TENT5D: variants seen among roughly 807,000 people sequenced by gnomAD.
TENT5D encodes terminal nucleotidyltransferase 5D.
For synonymous variants in TENT5D, 103 were observed against 100.6 expected, an observed-to-expected ratio of 1.02 and a Z score of -0.15; for missense variants, 191 against 287.0, an observed-to-expected ratio of 0.67 and a Z score of 2.42.
chrX:80,443,186 C>G (rs1932322688), exon 3 of TENT5D: 4 of 1,211,129 alleles, frequency 3.3e-6, no homozygotes, highest in Non-Finnish European at 4.5e-6. Context: ...GAAGCAATGA[C>G]ACATTTGCAA....
intron 3 of TENT5D, among the ~76,000 whole-genome samples, chrX:80,405,126 T>TA (rs1275868653): frequency 8.9e-6 from 1 of 112,046 alleles, no homozygotes; most frequent in Non-Finnish European, 1.9e-5. Flanking sequence ...TTTCACCCTT[T>TA]AAAAGGGGAG....
chrX:80,363,029 TA>T (rs1930441321), intron 3 of TENT5D, among the ~76,000 whole-genome samples: 1 of 112,121 alleles, frequency 8.9e-6, no homozygotes, highest in South Asian at 3.7e-4. Context: ...GTAAGATTTT[TA>T]TTTTTTCTAA....
At chrX:80,391,729 G>A (rs988331696) in intron 3 of TENT5D, among the ~76,000 whole-genome samples, 1 of 112,578 alleles carries the variant, frequency 8.9e-6, no homozygotes, top group Non-Finnish European at 1.9e-5. Flanking sequence ...CTTAAAAGTG[G>A]TGGTAAAAAG....
chrX:80,356,357 G>C (rs1048160352), intron 3 of TENT5D, among the ~76,000 whole-genome samples: 2 of 111,573 alleles, frequency 1.8e-5, no homozygotes, highest in African/African-American at 3.3e-5. Context: ...ATCAGTAACA[G>C]CATGAATCAG....
At chrX:80,435,799 T>G (rs1408685400) in intron 1 of TENT5D, among the ~76,000 whole-genome samples, 1 of 112,605 alleles carries the variant, frequency 8.9e-6, no homozygotes, top group Non-Finnish European at 1.9e-5. Context: ...ATTTAGTTCT[T>G]TCTTTTGTAA....
intron 3 of TENT5D, among the ~76,000 whole-genome samples, chrX:80,352,270 C>T (rs1248626086): frequency 1.8e-5 from 2 of 111,765 alleles, no homozygotes; most frequent in East Asian, 2.8e-4. Flanking sequence ...CCACAGCCCC[C>T]GCTTCCTCCA....
chrX:80,397,049 C>G (rs868672336), intron 3 of TENT5D, among the ~76,000 whole-genome samples: 43 of 96,160 alleles, frequency 4.5e-4, no homozygotes, highest in African/African-American at 1.6e-3. Context: ...ACCTCCCTCC[C>G]AGACGGGGTG....
At chrX:80,345,226 C>G (rs1930035674) in intron 3 of TENT5D, among the ~76,000 whole-genome samples, 1 of 111,151 alleles carries the variant, frequency 9.0e-6, no homozygotes, top group Non-Finnish European at 1.9e-5. Context: ...ATCCTATATC[C>G]CTATATATCC....
At chrX:80,356,536 A>C (rs1255455310) in intron 3 of TENT5D, among the ~76,000 whole-genome samples, 1 of 111,262 alleles carries the variant, frequency 9.0e-6, no homozygotes, top group Non-Finnish European at 1.9e-5. Flanking sequence ...TGATCTTATA[A>C]TTTTACAGTT....
rs191669288 is a variant in TENT5D, at chrX:80,359,251, A to G, written c.-142+16687A>G. Reference sequence around the variant, plus strand: ...GTGGAAGACAGTGTGGTGATTCCTCAGGGATCTAGAGCCAGAAATACCATT... The same window carrying G: ...GTGGAAGACAGTGTGGTGATTCCTCGGGGATCTAGAGCCAGAAATACCATT... On this transcript the variant is annotated intron_variant, in intron 3 of 4. Transcript: ENST00000538312. Among the ~76,000 whole-genome samples, 23 of 111,919 alleles carry G rather than the reference A, an allele frequency of 2.1e-4. No homozygotes were observed. In the East Asian group the frequency reaches 4.5e-3, roughly 22 times the overall value.
At chrX:80,377,477 C>T (rs1242148490) in intron 3 of TENT5D, among the ~76,000 whole-genome samples, 1 of 111,362 alleles carries the variant, frequency 9.0e-6, no homozygotes, top group African/African-American at 3.3e-5. Context: ...TGAGTGAGAA[C>T]ATGTGGTGTT....
At chrX:80,427,551 C>A (rs1932009388) in intron 1 of TENT5D, among the ~76,000 whole-genome samples, 1 of 111,380 alleles carries the variant, frequency 9.0e-6, no homozygotes, top group African/African-American at 3.3e-5. Context: ...AATATTTGAT[C>A]CAAGGGCTTA....
At chrX:80,340,221 T>TG (rs1214582724) in intron 2 of TENT5D, among the ~76,000 whole-genome samples, 2 of 110,569 alleles carry the variant, frequency 1.8e-5, no homozygotes, top group Non-Finnish European at 3.8e-5. Flanking sequence ...AAGAGCTGTT[T>TG]GAAAAAAAAC....
intron 3 of TENT5D, among the ~76,000 whole-genome samples, chrX:80,356,899 T>C (rs1930296136): frequency 1.8e-5 from 2 of 111,151 alleles, no homozygotes; most frequent in South Asian, 3.8e-4. Flanking sequence ...CTCCTAATGC[T>C]ATCCCTCCCC....
chrX:80,396,809 G>T (rs2147541827), intron 3 of TENT5D, among the ~76,000 whole-genome samples: 1 of 88,201 alleles, frequency 1.1e-5, no homozygotes, highest in East Asian at 3.6e-4. Context: ...AGACGGGGTG[G>T]TGGCCGGGCA....
At chrX:80,436,688 G>T (rs975712407) in intron 1 of TENT5D, among the ~76,000 whole-genome samples, 4 of 111,150 alleles carry the variant, frequency 3.6e-5, no homozygotes, top group African/African-American at 1.3e-4. Context: ...ATGGTTTCCA[G>T]CTTCATCCAT....
At chrX:80,404,695 C>G (rs1010097752) in intron 3 of TENT5D, among the ~76,000 whole-genome samples, 1 of 111,979 alleles carries the variant, frequency 8.9e-6, no homozygotes, top group Admixed American at 9.5e-5. Flanking sequence ...GCATCTTCTA[C>G]CAGGCCTGAA....
chrX:80,409,302 T>C (rs1259400935), intron 3 of TENT5D, among the ~76,000 whole-genome samples: 2 of 110,332 alleles, frequency 1.8e-5, no homozygotes, highest in African/African-American at 6.6e-5. Flanking sequence ...AAAGAGGAAG[T>C]CAAATTGTCC....
chrX:80,365,772 C>T (rs2147523733), intron 3 of TENT5D, among the ~76,000 whole-genome samples: 1 of 108,611 alleles, frequency 9.2e-6, no homozygotes, highest in South Asian at 4.1e-4. Flanking sequence ...ACCCGGGAGG[C>T]AGAGGTTGCA....
Sources: gnomAD v4.1 joint callset for allele counts (sites outside exome capture counted in the v4.1 genomes callset) on GRCh38, gnomAD v4.1.1 for gene constraint, MANE v1.5 for transcripts, NCBI Gene and HGNC (gene_info 2026-07-23, HGNC 2026-07-21) for gene names.